ARFGAP3: variants seen among roughly 807,000 people sequenced by gnomAD.
ARFGAP3 encodes the protein ADP-ribosylation factor GTPase-activating protein 3.
Under a neutral mutation model 75.0 loss-of-function variants are expected in ARFGAP3, and 72 were observed. That is an observed-to-expected ratio of 0.96 (90% CI 0.79 to 1.17). ARFGAP3 has a LOEUF of 1.17. Among genes scored for constraint, ARFGAP3 ranks in the 50% most tolerant of loss-of-function variants. ARFGAP3 has a pLI of 0.00. For missense variants in ARFGAP3, 620 were observed against 626.6 expected (o/e 0.99, Z 0.11); for synonymous variants, 221 against 217.9 (o/e 1.01, Z -0.13).
chr22:42,813,537 A>C (rs1007111804), intron 11 of ARFGAP3, among the ~76,000 whole-genome samples: 1 of 152,234 alleles, frequency 6.6e-6, no homozygotes, highest in Non-Finnish European at 1.5e-5. Context: ...TAGAGGAATC[A>C]GATTACTTTT....
At chr22:42,813,566 G>A (rs1018835187) in intron 11 of ARFGAP3, among the ~76,000 whole-genome samples, 1 of 152,222 alleles carries the variant, frequency 6.6e-6, no homozygotes, top group Non-Finnish European at 1.5e-5. Flanking sequence ...GAACTATTCA[G>A]AAGTCAAAGA....
At position 42,835,509 on chromosome 22, in the gene ARFGAP3, T is replaced by G. The variant is rs75427904; in HGVS notation, c.262-16A>C. 5.6e-6 allele frequency: 9 copies of G among 1,612,912 alleles called. No homozygotes were observed. Among genetic ancestry groups the G allele is most frequent in the Admixed American group, 5.0e-5 (3 of 59,946 alleles). On this transcript the variant is annotated splice_polypyrimidine_tract_variant and intron_variant, in intron 3 of 15. Coordinates refer to ENST00000263245, the MANE Select transcript of ARFGAP3 (RefSeq NM_014570.5). ...AAAAGGAAGACTACAGAGAAAAGCA[T>G]GCACATTAATATTTTCGTAAAACTA... is the stretch of plus-strand genomic sequence containing the variant.
rs747155978 is a variant in ARFGAP3 at position 42,841,022 on chromosome 22, T to C, written c.189-6A>G. ...TGGAATCCAACTCTGTAGATCTAAATGGAAAGAATATTACTAACTGTTAAT... is the reference window on the plus strand; with the variant it reads ...TGGAATCCAACTCTGTAGATCTAAACGGAAAGAATATTACTAACTGTTAAT... On this transcript the variant is annotated splice_region_variant and splice_polypyrimidine_tract_variant and intron_variant, in intron 2 of 15. Transcript: ENST00000263245. 2.5e-6 allele frequency: 4 copies of C among 1,613,420 alleles called. No homozygotes were observed. The highest frequency in any genetic ancestry group is 1.1e-5 in the South Asian group (1 of 90,858).
chr22:42,837,741 G>A (rs952090375), intron 3 of ARFGAP3, among the ~76,000 whole-genome samples: 12 of 140,344 alleles, frequency 8.6e-5, no homozygotes, highest in Non-Finnish European at 1.5e-4. Flanking sequence ...GCAGTGGCAC[G>A]GTGAACACTG....
At chr22:42,827,461 G>C (rs887478526) in intron 6 of ARFGAP3, among the ~76,000 whole-genome samples, 5 of 152,264 alleles carry the variant, frequency 3.3e-5, no homozygotes, top group African/African-American at 1.2e-4. Flanking sequence ...TCGCCTCCCG[G>C]GTTCAAGCCA....
chr22:42,838,288 A>T (rs1257251289), intron 3 of ARFGAP3, among the ~76,000 whole-genome samples: 1,313 of 130,700 alleles, frequency 0.01, 13 homozygotes, highest in African/African-American at 0.039. Flanking sequence ...ATATATATAT[A>T]TATTTTTTTT....
intron 12 of ARFGAP3, among the ~76,000 whole-genome samples, chr22:42,809,239 G>T (rs558837605): frequency 6.6e-6 from 1 of 152,262 alleles, no homozygotes; most frequent in African/African-American, 2.4e-5. Flanking sequence ...CCAGTTACCT[G>T]GGACAATTTC....
rs111325137 is a variant in ARFGAP3, at chr22:42,826,787, A to G, written c.625+153T>C. On this transcript the variant is annotated intron_variant, in intron 7 of 15. Coordinates refer to ENST00000263245, the MANE Select transcript of ARFGAP3 (RefSeq NM_014570.5). ...AGATGAATAAAAAACATATATATAT[A>G]GTATCTTTTGTTTAATAAAATCTTA... 9.1e-3 allele frequency among the ~76,000 whole-genome samples: 1,389 copies of G among 152,314 alleles called. 31 individuals are homozygous for G. The highest frequency in any genetic ancestry group is 0.032 in the African/African-American group (1,336 of 41,568).
intron 11 of ARFGAP3, among the ~76,000 whole-genome samples, chr22:42,811,541 C>A (rs1004714244): frequency 3.3e-4 from 51 of 152,280 alleles, no homozygotes; most frequent in African/African-American, 1.2e-3. Context: ...TAAGCACATT[C>A]AATGAAAATG....
chr22:42,798,278 C>T (rs575835597), intron 15 of ARFGAP3, among the ~76,000 whole-genome samples: 12 of 152,346 alleles, frequency 7.9e-5, no homozygotes, highest in African/African-American at 2.2e-4. Context: ...AATGGGTGCA[C>T]CTCCACGCCC....
Position 42,799,072 on chromosome 22 carries a change from G to T in ARFGAP3, c.1500C>A (p.Ser500=). 6.2e-7 allele frequency: 1 copy of T among 1,614,158 alleles called. No homozygotes were observed. Among genetic ancestry groups the T allele is most frequent in the Non-Finnish European group, 8.5e-7 (1 of 1,180,038 alleles). The change falls in exon 15 of 16, where the codon TCC becomes TCA. Residue 500 remains serine (S), a synonymous_variant. Coordinates refer to ENST00000263245, the MANE Select transcript of ARFGAP3 (RefSeq NM_014570.5). Reference sequence around the variant, plus strand: ...AAGTCACGACTCCATTAGCAAAGACGGAGAGTTTTCCAGCAACCGATCTCA... The same window carrying T: ...AAGTCACGACTCCATTAGCAAAGACTGAGAGTTTTCCAGCAACCGATCTCA... The part of the protein sequence containing the change: ...QGVRSVAGKL[S]VFANGVVTSI...
chr22:42,843,534 T>C (rs1926877432), intron 2 of ARFGAP3, among the ~76,000 whole-genome samples: 1 of 152,114 alleles, frequency 6.6e-6, no homozygotes, highest in Non-Finnish European at 1.5e-5. Flanking sequence ...ATGCCCGGCC[T>C]TGTCTCCATT....
intron 1 of ARFGAP3, among the ~76,000 whole-genome samples, chr22:42,852,094 G>A (rs1200433049): frequency 6.6e-6 from 1 of 150,964 alleles, no homozygotes; most frequent in African/African-American, 2.4e-5. Context: ...TTGAGATAGG[G>A]TCTCATGCTG....
Position 42,810,922 on chromosome 22 carries a change from A to G in ARFGAP3, c.1087T>C (p.Leu363=). Residue 363 remains leucine, a synonymous_variant, in exon 12 of 16, where the codon TTA becomes CTA. Coordinates refer to ENST00000263245, the MANE Select transcript of ARFGAP3 (RefSeq NM_014570.5). ...SSSYFDEPVE[L]RSSSFSSWDD... ...CAGCTAGAGAAAGAACTGCTCCTTAACTCCACTGGCTCGTCAAAGTAACTG... is the reference window on the plus strand; with the variant it reads ...CAGCTAGAGAAAGAACTGCTCCTTAGCTCCACTGGCTCGTCAAAGTAACTG... 6.2e-7 allele frequency: 1 copy of G among 1,614,066 alleles called. No individual in the cohort carries two copies. The highest frequency in any genetic ancestry group is 1.1e-5 in the South Asian group (1 of 91,070).
At chr22:42,850,749 C>T (rs752262786) in intron 1 of ARFGAP3, among the ~76,000 whole-genome samples, 7 of 152,214 alleles carry the variant, frequency 4.6e-5, no homozygotes, top group South Asian at 2.1e-4. Context: ...CCACAATATG[C>T]TCACACTGAT....
At chr22:42,801,661 C>T (rs1000100336) in intron 14 of ARFGAP3, among the ~76,000 whole-genome samples, 3 of 143,216 alleles carry the variant, frequency 2.1e-5, no homozygotes, top group Non-Finnish European at 4.4e-5. Flanking sequence ...GGCCGGTGGG[C>T]AGGTGCTCAG....
chr22:42,812,357 C>G (rs1276974645), intron 11 of ARFGAP3, among the ~76,000 whole-genome samples: 1 of 151,942 alleles, frequency 6.6e-6, no homozygotes, highest in Non-Finnish European at 1.5e-5. Flanking sequence ...AGAGGCAGAT[C>G]CCAGGGAGGT....
Position 42,814,827 on chromosome 22 carries a change from C to T in ARFGAP3, c.1064+2315G>A, listed in dbSNP as rs535112955. On this transcript the variant is annotated intron_variant, in intron 11 of 15. Coordinates refer to ENST00000263245, the MANE Select transcript of ARFGAP3 (RefSeq NM_014570.5). ...TCTAATCTCACTGTAACCTCTGCCTCCCAGGCTCAAGTGATCCTCCACCTC... is the reference window on the plus strand; with the variant it reads ...TCTAATCTCACTGTAACCTCTGCCTTCCAGGCTCAAGTGATCCTCCACCTC... 1.1e-4 allele frequency among the ~76,000 whole-genome samples: 17 copies of T among 152,306 alleles called. No homozygotes were observed. The South Asian group carries it at 3.5e-3, about 32-fold the overall frequency.
At chr22:42,854,353 G>A (rs145180795) in intron 1 of ARFGAP3, among the ~76,000 whole-genome samples, 7 of 152,316 alleles carry the variant, frequency 4.6e-5, no homozygotes, top group African/African-American at 1.7e-4. Flanking sequence ...GGCCAGGTGC[G>A]GTGGCTCACG....
Sources: gnomAD v4.1 joint callset for allele counts (sites outside exome capture counted in the v4.1 genomes callset) on GRCh38, gnomAD v4.1.1 for gene constraint, MANE v1.5 for transcripts, NCBI Gene and HGNC (gene_info 2026-07-23, HGNC 2026-07-21) for gene names.